Variants in TMEM116 observed in about 807,000 individuals in gnomAD.
TMEM116 encodes the protein transmembrane protein 116.
A neutral mutation model predicts 44.3 loss-of-function variants in TMEM116; 38 were observed. The ratio of observed to expected loss-of-function variants is 0.86; its 90% CI spans 0.66 to 1.12. TMEM116 has a LOEUF of 1.12. Among genes scored for constraint, TMEM116 ranks in the 50% most tolerant of loss-of-function variants. The pLI, the probability that TMEM116 is intolerant of heterozygous loss-of-function variation, is 0.00. For synonymous variants in TMEM116, 132 were observed against 144.8 expected (o/e 0.91, Z 0.64); for missense variants, 354 against 401.7 (o/e 0.88, Z 1.01).
At chr12:111,937,924 G>A (rs1419429525) in intron 6 of TMEM116, 9 of 312,590 alleles carry the variant, frequency 2.9e-5, no homozygotes, top group Non-Finnish European at 5.4e-5. Flanking sequence ...TTCAAGGTTA[G>A]TTACATAGAG....
intron 4 of TMEM116, among the ~76,000 whole-genome samples, chr12:111,976,500 A>G (rs2075681316): frequency 6.6e-6 from 1 of 152,136 alleles, no homozygotes; most frequent in Non-Finnish European, 1.5e-5. Context: ...AGCAAAACAA[A>G]ACAAAACATA....
intron 10 of TMEM116, among the ~76,000 whole-genome samples, 178 bp from the exon 11 acceptor site, chr12:111,932,005 C>T (rs1424278020): frequency 6.6e-6 from 1 of 152,164 alleles, no homozygotes; most frequent in African/African-American, 2.4e-5. Flanking sequence ...CTACACTACA[C>T]TGTTACGGAT....
At chr12:112,012,629 A>G (rs12300496) in intron 1 of TMEM116, 21,691 of 152,450 alleles carry the variant, frequency 0.14, 1,931 homozygotes, top group African/African-American at 0.25. Flanking sequence ...CATTATTCCT[A>G]TGCCGCCTCC....
intron 3 of TMEM116, 53 bp from the exon 4 acceptor site, chr12:111,991,942 T>C (rs1209162814): frequency 2.4e-5 from 35 of 1,488,836 alleles, no homozygotes; most frequent in Admixed American, 4.2e-5. Context: ...AGGAGAATGT[T>C]AACAATGTAA....
At chr12:111,933,270 A>T (rs1431313840) in intron 9 of TMEM116, among the ~76,000 whole-genome samples, 1 of 151,198 alleles carries the variant, frequency 6.6e-6, no homozygotes, top group South Asian at 2.1e-4. Flanking sequence ...ATCTAACCTG[A>T]TCCTCACTAT....
At chr12:111,970,243 C>T (rs1457979008) in intron 4 of TMEM116, among the ~76,000 whole-genome samples, 1 of 150,834 alleles carries the variant, frequency 6.6e-6, no homozygotes, top group East Asian at 2.0e-4. Flanking sequence ...CATGCCATGC[C>T]ACTACCCTAC....
intron 4 of TMEM116, among the ~76,000 whole-genome samples, chr12:111,982,822 C>T (rs2076019491): frequency 6.6e-6 from 1 of 152,140 alleles, no homozygotes; most frequent in Non-Finnish European, 1.5e-5. Flanking sequence ...TAGCTAAGCA[C>T]TGAAACAATG....
chr12:111,956,690 T>A (rs2074115726), intron 4 of TMEM116, among the ~76,000 whole-genome samples: 2 of 152,136 alleles, frequency 1.3e-5, no homozygotes, highest in Admixed American at 1.3e-4. Flanking sequence ...GTTTTCGTAT[T>A]TTTTGGTGGA....
intron 4 of TMEM116, among the ~76,000 whole-genome samples, chr12:111,947,961 T>C (rs899217111): frequency 6.6e-6 from 1 of 152,214 alleles, no homozygotes; most frequent in African/African-American, 2.4e-5. Context: ...CTAAAACAAA[T>C]ACATTTTTTA....
At chr12:111,991,294 G>A (rs1160778419) in intron 4 of TMEM116, among the ~76,000 whole-genome samples, 2 of 150,336 alleles carry the variant, frequency 1.3e-5, no homozygotes, top group African/African-American at 4.9e-5. Flanking sequence ...AGGCCGAGGC[G>A]GGTGGATCAT....
chr12:111,990,605 T>G (rs2076504402), intron 4 of TMEM116, among the ~76,000 whole-genome samples: 1 of 152,214 alleles, frequency 6.6e-6, no homozygotes, highest in Admixed American at 6.5e-5. Flanking sequence ...TGACAGAAAT[T>G]TCCCCTCTAG....
intron 2 of TMEM116, among the ~76,000 whole-genome samples, chr12:112,004,152 TTTA>T (rs1185750388): frequency 6.6e-6 from 1 of 152,104 alleles, no homozygotes; most frequent in African/African-American, 2.4e-5. Flanking sequence ...GGCTAATTAT[TTTA>T]TTTTTTGTAG....
chr12:111,980,695 G>A lies in TMEM116; in HGVS notation c.210+11063C>T, dbSNP rs560696244. ...ATGGTAGGTACCAGGGAACTCTGTA[G>A]TATTTGCCCGATTTTTCTGTAAATC... On this transcript the variant is annotated intron_variant, in intron 4 of 10. Coordinates refer to ENST00000552374, the MANE Select transcript of TMEM116 (RefSeq NM_001193531.2). Among the ~76,000 whole-genome samples, 8 of 152,290 alleles carry A rather than the reference G, an allele frequency of 5.3e-5. No individual in the cohort carries two copies. In the South Asian group the frequency reaches 1.7e-3, roughly 32 times the overall value.
rs375708217 is a variant in TMEM116 at position 111,943,340 on chromosome 12, G to A, written c.240C>T (p.Thr80=). 116 of 1,613,690 alleles carry A rather than the reference G, an allele frequency of 7.2e-5. No homozygotes were observed. In the South Asian group the frequency reaches 7.9e-4, roughly 11 times the overall value. Residue 80 remains threonine, a synonymous_variant, in exon 5 of 11, where the codon ACC becomes ACT. Transcript: ENST00000552374. The part of the protein sequence containing the change: ...QIFYISSFLY[T]VNYIWYLYTE... The stretch of plus-strand genomic sequence containing the variant: ...TGTACAAATACCAGATGTAATTGAC[G>A]GTGTAGAGAAATGAGGAAATGTAGA...
chr12:111,935,352 C>T (rs2072059811), intron 8 of TMEM116: 1 of 152,088 alleles, frequency 6.6e-6, no homozygotes, highest in African/African-American at 2.4e-5. Flanking sequence ...CTGTCTCGGC[C>T]TCCCAAAGTG....
chr12:111,974,693 C>A (rs954312878), intron 4 of TMEM116, among the ~76,000 whole-genome samples: 2 of 150,768 alleles, frequency 1.3e-5, no homozygotes, highest in Non-Finnish European at 3.0e-5. Context: ...TAAAAGGCAT[C>A]CAGAACTGGA....
intron 4 of TMEM116, among the ~76,000 whole-genome samples, chr12:111,943,874 C>G (rs968506182): frequency 6.6e-6 from 1 of 152,114 alleles, no homozygotes; most frequent in Non-Finnish European, 1.5e-5. Flanking sequence ...CTAAAACATG[C>G]CCTGCTTCCT....
At chr12:111,972,303 CTGTT>C (rs1251570954) in intron 4 of TMEM116, among the ~76,000 whole-genome samples, 3 of 152,064 alleles carry the variant, frequency 2.0e-5, no homozygotes, top group Non-Finnish European at 4.4e-5. Flanking sequence ...AAAATACTAA[CTGTT>C]TATGTACCTA....
intron 4 of TMEM116, among the ~76,000 whole-genome samples, chr12:111,983,036 A>G (rs1565936995): frequency 6.6e-6 from 1 of 152,112 alleles, no homozygotes; most frequent in Admixed American, 6.5e-5. Context: ...CTGTAATCCC[A>G]CTTTGGGATT....
Sources: gnomAD v4.1 joint callset for allele counts (sites outside exome capture counted in the v4.1 genomes callset) on GRCh38, gnomAD v4.1.1 for gene constraint, MANE v1.5 for transcripts, NCBI Gene and HGNC (gene_info 2026-07-23, HGNC 2026-07-21) for gene names.